Variants in COL6A1 observed in about 807,000 individuals in gnomAD.
COL6A1 encodes collagen type VI alpha 1 chain.
A neutral mutation model predicts 145.6 loss-of-function variants in COL6A1; 80 were observed. The observed-to-expected ratio is 0.55, with a 90% confidence interval of 0.46 to 0.66. The LOEUF (loss-of-function observed/expected upper bound fraction) is 0.66. COL6A1 is among the 30% of genes least tolerant of loss of function. COL6A1 has a pLI of 0.00. For synonymous variants in COL6A1, 638 were observed against 622.8 expected (o/e 1.02, Z -0.36); for missense variants, 1,364 against 1,473.8 (o/e 0.93, Z 1.22).
At chr21:45,999,585 G>T in intron 26 of COL6A1, 72 bp from the exon 27 acceptor site, 1 of 1,536,058 alleles carries the variant, frequency 6.5e-7, no homozygotes, top group Non-Finnish European at 8.9e-7. Context: ...CCTGGGGGTG[G>T]GGGCTGTCTC....
intron 11 of COL6A1, among the ~76,000 whole-genome samples, chr21:45,990,017 ACCCTCTGCGGAGCCGGGGGTCCCCCG>A (rs2077765030): frequency 1.8e-4 from 2 of 11,102 alleles, no homozygotes; most frequent in Middle Eastern, 0.071. Context: ...CCGGGCGGTT[ACCCTCTGCGGAGCCGGGGGTCCCCCG>A]GGCGGTTACC....
chr21:45,986,652 A>T lies in COL6A1; in HGVS notation c.555A>T (p.Lys185Asn). The part of the protein sequence containing the change: ...AVNEAKHLGV[K>N]VFSVAITPDH... ...ACGAGGCCAAGCACCTGGGCGTCAA[A>T]GTCTTCTCGGTGGCCATCACACCCG... The change falls in exon 4 of 35, where the codon AAA (lysine) becomes AAT (asparagine). Residue 185 changes from lysine to asparagine, a missense_variant. Physicochemically the swap from Lys to Asn is moderately conservative, Grantham distance 94. Coordinates refer to ENST00000361866, the MANE Select transcript of COL6A1 (RefSeq NM_001848.3). 1 of 1,550,886 alleles carries T rather than the reference A, an allele frequency of 6.4e-7. No homozygotes were observed. Among genetic ancestry groups the T allele is most frequent in the Non-Finnish European group, 8.7e-7 (1 of 1,147,614 alleles).
chr21:45,990,753 A>G lies in COL6A1; in HGVS notation c.1003-20A>G. The G allele has an allele frequency of 6.2e-7, 1 of 1,612,346 alleles. No homozygotes were observed. Among genetic ancestry groups the G allele is most frequent in the Non-Finnish European group, 8.5e-7 (1 of 1,179,158 alleles). On this transcript the variant is annotated intron_variant, in intron 13 of 34. Transcript: ENST00000361866. ...TACCCACTTGGCCGTCAGATTTTCT[A>G]GTTTTCTTCCTCTTTCCAGGGGGAG... is the stretch of plus-strand genomic sequence containing the variant.
At chr21:45,986,857 C>T in intron 4 of COL6A1, 87 bp from the exon 5 acceptor site, 1 of 1,530,144 alleles carries the variant, frequency 6.5e-7, no homozygotes, top group Non-Finnish European at 8.7e-7. Flanking sequence ...AGCGCCCCAG[C>T]CCAGCCTCCC....
intron 20 of COL6A1, among the ~76,000 whole-genome samples, chr21:45,995,819 A>G (rs2077801739): frequency 1.3e-5 from 2 of 152,192 alleles, no homozygotes; most frequent in South Asian, 2.1e-4. Context: ...TGGCTGAGGC[A>G]GGCACTTGTT....
In COL6A1 at chr21:45,998,939, G is replaced by C. The variant is rs1397088680; in HGVS notation, c.1654G>C (p.Ala552Pro). The C allele has an allele frequency of 3.2e-6, 5 of 1,555,578 alleles. No individual in the cohort carries two copies. The highest frequency in any genetic ancestry group is 4.4e-6 in the Non-Finnish European group (5 of 1,149,100). The change falls in exon 25 of 35, where the codon GCC becomes CCC. Residue 552 changes from alanine to proline, a missense_variant. Coordinates refer to ENST00000361866, the MANE Select transcript of COL6A1 (RefSeq NM_001848.3). ...YPGLKGDEGE[A>P]GDPGDDNNDI... is the part of the protein sequence containing the mutation. ...CGGCCTCAAGGGGGACGAGGGAGAA[G>C]CCGGGGACCCCGGAGACGATGTAAG...
chr21:45,984,755 C>T (rs2077728108), intron 3 of COL6A1, among the ~76,000 whole-genome samples: 1 of 148,804 alleles, frequency 6.7e-6, no homozygotes, highest in African/African-American at 2.5e-5. Flanking sequence ...GGGACCAAGA[C>T]AGGCAGACAG....
Position 45,997,517 on chromosome 21 carries a change from C to CT in COL6A1, c.1461+34_1461+35insT. The CT allele has an allele frequency of 2.6e-6, 4 of 1,521,490 alleles. No homozygotes were observed. In the African/African-American group the frequency reaches 5.5e-5, roughly 21 times the overall value. The allele number at this position is 1,521,490 out of a possible 1,614,324, so 94.2% of individuals were successfully genotyped here. The stretch of plus-strand genomic sequence containing the variant: ...CACTCCCCACCCACACCCGCCCACC[C>CT]AGGGGGGCCTGAGGATCCAGAACCC... On this transcript the variant is annotated intron_variant, in intron 21 of 34. Coordinates refer to ENST00000361866, the MANE Select transcript of COL6A1 (RefSeq NM_001848.3).
rs1370178953 is a variant in COL6A1 at position 45,987,033 on chromosome 21, G to A, written c.678G>A (p.Glu226=). ...ADWGQSRDAE[E]AISQTIDTIV... Reference sequence around the variant, plus strand: ...GGGGCCAGAGCCGCGACGCAGAGGAGGCCATCAGCCAGACCATCGACACCA... The same window carrying A: ...GGGGCCAGAGCCGCGACGCAGAGGAAGCCATCAGCCAGACCATCGACACCA... The change falls in exon 5 of 35, where the codon GAG becomes GAA. Residue 226 remains glutamate (E), a synonymous_variant. Coordinates refer to ENST00000361866, the MANE Select transcript of COL6A1 (RefSeq NM_001848.3). The A allele has an allele frequency of 2.6e-6, 4 of 1,552,346 alleles. No individual in the cohort carries two copies. The highest frequency in any genetic ancestry group is 1.2e-5 in the South Asian group (1 of 84,274).
rs1313797179 is a variant in COL6A1, at chr21:46,003,736, A to G, written c.2810A>G (p.Lys937Arg). 8 of 1,612,810 alleles carry G rather than the reference A, an allele frequency of 5.0e-6. No individual in the cohort carries two copies. Among genetic ancestry groups the G allele is most frequent in the Non-Finnish European group, 6.8e-6 (8 of 1,179,898 alleles). Residue 937 changes from lysine to arginine, a missense_variant, in exon 35 of 35, where the codon AAG (lysine) becomes AGG (arginine). By Grantham distance (26) the Lys-to-Arg change is conservative (BLOSUM62 2). Around this residue, in one of 3 missense-constraint regions of COL6A1, gnomAD observed 938 missense variants for 1,003.8 expected, o/e 0.93. Coordinates refer to ENST00000361866, the MANE Select transcript of COL6A1 (RefSeq NM_001848.3). ...GAGGCCTCGTCCGGCGCTGCCAAGA[A>G]GAGGCTGCTGCTCTTCTCAGATGGC... ...YREASSGAAK[K>R]RLLLFSDGNS...
chr21:45,981,991 T>G, intron 1 of COL6A1, 44 bp downstream of exon 1: 1 of 1,486,228 alleles, frequency 6.7e-7, no homozygotes. Flanking sequence ...CCCCGCTCTT[T>G]GCTGCCGGCC....
chr21:45,998,358 A>C (rs1308602361), intron 23 of COL6A1, 40 bp from the exon 24 acceptor site: 1 of 1,612,754 alleles, frequency 6.2e-7, no homozygotes, highest in African/African-American at 1.3e-5. Context: ...TCCCCTCTCA[A>C]ATCAGAACCC....
chr21:45,997,465 G>A lies in COL6A1; in HGVS notation c.1443G>A (p.Glu481=), dbSNP rs80244281. Residue 481 remains glutamate (E), a synonymous_variant, in exon 21 of 35, where the codon GAG becomes GAA. Transcript: ENST00000361866. ...PIGPKGYRGD[E]GPPGSEGARG... is the part of the protein sequence containing the mutation. ...GACCTAAAGGCTACCGAGGCGATGA[G>A]GGTCCCCCAGGGTCCGAGGTGAGTC... 3,753 of 1,612,222 alleles carry A rather than the reference G, an allele frequency of 2.3e-3. 70 individuals are homozygous for A. In the African/African-American group the frequency reaches 0.044, roughly 19 times the overall value.
intron 15 of COL6A1, among the ~76,000 whole-genome samples, chr21:45,991,397 T>G (rs978836740): frequency 7.2e-6 from 1 of 139,372 alleles, no homozygotes; most frequent in Non-Finnish European, 1.6e-5. Context: ...GAGAATGGGC[T>G]GGGTGGCACT....
chr21:46,001,221 G>T (rs778891831), intron 29 of COL6A1, 32 bp from the exon 30 acceptor site: 2 of 1,595,262 alleles, frequency 1.3e-6, no homozygotes, highest in East Asian at 4.5e-5. Context: ...GAGGGGAGGG[G>T]CGTGCTCTGC....
rs569892655 is a variant in COL6A1 at position 45,998,667 on chromosome 21, G to A, written c.1612-230G>A. ...TGTGGGTCTCCTCACGGCCCTGACTGCCCGGTGACCGATCTCCCCTCGGTG... is the reference window on the plus strand; with the variant it reads ...TGTGGGTCTCCTCACGGCCCTGACTACCCGGTGACCGATCTCCCCTCGGTG... On this transcript the variant is annotated intron_variant, in intron 24 of 34. Coordinates refer to ENST00000361866, the MANE Select transcript of COL6A1 (RefSeq NM_001848.3). 1.3e-5 allele frequency among the ~76,000 whole-genome samples: 2 copies of A among 152,306 alleles called. 1 individual carries two copies. Among genetic ancestry groups the A allele is most frequent in the South Asian group, 4.1e-4 (2 of 4,824 alleles).
At chr21:45,990,228 C>G in intron 11 of COL6A1, 30 bp from the exon 12 acceptor site, 1 of 1,241,232 alleles carries the variant, frequency 8.1e-7, no homozygotes, top group Non-Finnish European at 1.2e-6. Context: ...ACCCCAAATA[C>G]CCCCTCACAC....
In COL6A1 at chr21:46,001,380, G is replaced by A. The variant is rs375448277; in HGVS notation, c.1950G>A (p.Leu650=). The change falls in exon 30 of 35, where the codon CTG becomes CTA. Residue 650 remains leucine (L), a synonymous_variant. Transcript: ENST00000361866. Reference sequence around the variant, plus strand: ...TCGACCGGCTGAGCCGGGACGAGCTGGTCAAGGTGAGGCCTCGCCCCGCCC... The same window carrying A: ...TCGACCGGCTGAGCCGGGACGAGCTAGTCAAGGTGAGGCCTCGCCCCGCCC... ...KVIDRLSRDE[L]VKFEPGQSYA... 3.9e-4 allele frequency: 628 copies of A among 1,611,288 alleles called. 8 individuals carry two copies. The South Asian group carries it at 6.5e-3, about 17-fold the overall frequency.
chr21:46,000,070 G>T (rs1254051060), intron 27 of COL6A1, among the ~76,000 whole-genome samples: 4 of 149,324 alleles, frequency 2.7e-5, no homozygotes, highest in African/African-American at 9.9e-5. Flanking sequence ...ATCATGGGGG[G>T]ACCTGTACCC....
Sources: gnomAD v4.1 joint callset for allele counts (sites outside exome capture counted in the v4.1 genomes callset) on GRCh38, gnomAD v4.1.1 for gene constraint, gnomAD v4.1.1 regional missense constraint, MANE v1.5 for transcripts, NCBI Gene and HGNC (gene_info 2026-07-23, HGNC 2026-07-21) for gene names.